The following RAD52 variants were observed in gnomAD, a reference collection of about 807,000 sequenced individuals.
RAD52 encodes RAD52 DNA repair protein, also known as DNA repair protein RAD52 homolog.
A neutral mutation model predicts 55.5 loss-of-function variants in RAD52; 47 were observed. The ratio of observed to expected loss-of-function variants is 0.85; its 90% CI spans 0.67 to 1.08. RAD52 has a LOEUF of 1.08. Among genes scored for constraint, RAD52 ranks in the 50% least tolerant of loss-of-function variants. RAD52 has a pLI of 0.00. For missense variants in RAD52, 468 were observed against 522.8 expected (o/e 0.90, Z 1.02); for synonymous variants, 184 against 198.9 (o/e 0.92, Z 0.63).
intron 1 of RAD52, among the ~76,000 whole-genome samples, chr12:943,930 G>T (rs928993183): frequency 1.3e-5 from 2 of 152,036 alleles, no homozygotes; most frequent in African/African-American, 2.4e-5. Context: ...GTCTGGGCGG[G>T]GCCCGCTGGG....
chr12:931,410 T>A, intron 2 of RAD52, 89 bp from the exon 3 acceptor site: 1 of 950,554 alleles, frequency 1.1e-6, no homozygotes, highest in Non-Finnish European at 1.5e-6. Flanking sequence ...TTTATACTCT[T>A]AAAAAGACCC....
chr12:911,805 T>C lies in RAD52; in HGVS notation c.*1586A>G, dbSNP rs61917172. Among the ~76,000 whole-genome samples the C allele has an allele frequency of 1.1e-3, 167 of 152,286 alleles. No homozygotes were observed. The highest frequency in any genetic ancestry group is 1.8e-3 in the Non-Finnish European group (123 of 68,030). ...TGGGAGGCCGAGGTGGGCAGATCAC[T>C]TGAGGTCAGTTTGAGACCAGCCTGG... On this transcript the variant is annotated 3_prime_UTR_variant, in exon 12 of 12. Coordinates refer to ENST00000358495, the MANE Select transcript of RAD52 (RefSeq NM_134424.4).
chr12:973,789 T>C (rs1036563795), intron 1 of RAD52, among the ~76,000 whole-genome samples: 2 of 148,434 alleles, frequency 1.3e-5, no homozygotes, highest in Non-Finnish European at 3.0e-5. Flanking sequence ...CTTCTTTTTT[T>C]TTTTTTTTTT....
At chr12:984,385 A>G (rs147394844) in intron 1 of RAD52, among the ~76,000 whole-genome samples, 4 of 152,050 alleles carry the variant, frequency 2.6e-5, no homozygotes, top group African/African-American at 9.6e-5. Context: ...GTTAGTAGAG[A>G]TGGGATTTCG....
rs1232738619 is a variant in RAD52 at position 988,385 on chromosome 12, T to C, written c.-19+1424A>G. On this transcript the variant is annotated intron_variant, in intron 1 of 11. Coordinates refer to the RAD52 transcript ENST00000430095. ...TCTGTTTATCTGCCCCCACAGTCCA[T>C]GTTGGAGACTTTTCTTAAATACCTA... is the stretch of plus-strand genomic sequence containing the variant. 2.6e-5 allele frequency among the ~76,000 whole-genome samples: 4 copies of C among 152,198 alleles called. No homozygotes were observed. In the South Asian group the frequency reaches 6.2e-4, roughly 24 times the overall value.
At chr12:927,533 A>G (rs1251681412) in intron 5 of RAD52, among the ~76,000 whole-genome samples, 1 of 152,008 alleles carries the variant, frequency 6.6e-6, no homozygotes, top group Non-Finnish European at 1.5e-5. Context: ...ACTCACCCCA[A>G]ATCCTATCAG....
At chr12:925,563 A>G (rs746359027) in intron 6 of RAD52, 38 bp from the exon 7 acceptor site, 31 of 1,480,666 alleles carry the variant, frequency 2.1e-5, no homozygotes, top group Non-Finnish European at 2.6e-5. Flanking sequence ...CAGGGTTAAG[A>G]ATTGTTACAC....
rs572479285 is a variant in RAD52 at position 924,334 on chromosome 12, C to T, written c.543+1116G>A. Among the ~76,000 whole-genome samples the T allele has an allele frequency of 9.9e-5, 15 of 152,104 alleles. No homozygotes were observed. In the South Asian group the frequency reaches 3.1e-3, roughly 32 times the overall value. On this transcript the variant is annotated intron_variant, in intron 7 of 11. Transcript: ENST00000358495. The stretch of plus-strand genomic sequence containing the variant: ...CTGAGGCAGGAGCATCGCTGGAACC[C>T]AGGAGGCAGAGGTTGCAGTGAGCCA...
intron 5 of RAD52, 71 bp downstream of exon 5, chr12:929,748 T>C (rs1314905666): frequency 6.9e-7 from 1 of 1,454,322 alleles, no homozygotes; most frequent in Non-Finnish European, 9.7e-7. Flanking sequence ...AGCTACCTAC[T>C]TCCCTACCTG....
intron 7 of RAD52, among the ~76,000 whole-genome samples, chr12:919,820 AGGTGGGCGG>A (rs1383526730): frequency 8.5e-6 from 1 of 117,332 alleles, no homozygotes; most frequent in Non-Finnish European, 1.8e-5. Flanking sequence ...TGGGAGGCCG[AGGTGGGCGG>A]ATCATCTGAG....
At chr12:957,174 G>C (rs1262639835) in intron 1 of RAD52, among the ~76,000 whole-genome samples, 5 of 152,052 alleles carry the variant, frequency 3.3e-5, no homozygotes, top group African/African-American at 4.8e-5. Flanking sequence ...TTACCATTTT[G>C]AGGCTGGGTG....
At chr12:945,033 A>G (rs1958134118) in intron 1 of RAD52, among the ~76,000 whole-genome samples, 1 of 152,154 alleles carries the variant, frequency 6.6e-6, no homozygotes, top group Non-Finnish European at 1.5e-5. Flanking sequence ...AATGTTCATG[A>G]AACTTTAAAA....
In RAD52 at chr12:914,063, C is replaced by T. The variant is rs909520222; in HGVS notation, c.1026G>A (p.Val342=). ...GGTCTGCTCTAGACGAGGGCTTGAC[C>T]ACACCATCCCCTGCATCGGGAGTCA... The part of the protein sequence containing the change: ...WAVTPDAGDG[V]VKPSSRADPA... The change falls in exon 11 of 12, where the codon GTG becomes GTA. Residue 342 remains valine (V), a synonymous_variant. Transcript: ENST00000358495. 12 of 1,614,024 alleles carry T rather than the reference C, an allele frequency of 7.4e-6. No individual in the cohort carries two copies. In the South Asian group the frequency reaches 8.8e-5, roughly 12 times the overall value.
upstream of RAD52, among the ~76,000 whole-genome samples, chr12:950,779 T>C (rs1958509281): frequency 6.6e-6 from 1 of 152,072 alleles, no homozygotes; most frequent in Non-Finnish European, 1.5e-5. Flanking sequence ...AAATATACAA[T>C]AAATTATTAT....
intron 10 of RAD52, 45 bp from the exon 11 acceptor site, chr12:914,166 A>T (rs1260694619): frequency 6.5e-7 from 1 of 1,543,734 alleles, no homozygotes; most frequent in Non-Finnish European, 8.9e-7. Flanking sequence ...ATAATGAAGT[A>T]TTCTCACAGA....
intron 1 of RAD52, among the ~76,000 whole-genome samples, chr12:981,781 A>AAAATAAAATAAAATC (rs1271162055): frequency 6.6e-6 from 1 of 151,012 alleles, no homozygotes; most frequent in Non-Finnish European, 1.5e-5. Flanking sequence ...TAAATAAAAT[A>AAAATAAAATAAAATC]AAATAAAATA....
chr12:957,164 T>A (rs1958617539), intron 1 of RAD52, among the ~76,000 whole-genome samples: 1 of 152,068 alleles, frequency 6.6e-6, no homozygotes, highest in Admixed American at 6.6e-5. Flanking sequence ...TTATTAAGAA[T>A]TACCATTTTG....
Position 911,753 on chromosome 12 carries a change from T to C in RAD52, c.*1638A>G, listed in dbSNP as rs1166993287. On this transcript the variant is annotated 3_prime_UTR_variant, in exon 12 of 12. Coordinates refer to ENST00000358495, the MANE Select transcript of RAD52 (RefSeq NM_134424.4). ...TAAATTGGCTGGGCGCAATGGCTCA[T>C]GCCTATAATTCTAGTACTTTTTACT... 6.6e-6 allele frequency among the ~76,000 whole-genome samples: 1 copy of C among 152,220 alleles called. No individual in the cohort carries two copies. Among genetic ancestry groups the C allele is most frequent in the Admixed American group, 6.5e-5 (1 of 15,286 alleles).
chr12:950,227 C>T (rs1485774037), upstream of RAD52, among the ~76,000 whole-genome samples: 2 of 152,310 alleles, frequency 1.3e-5, no homozygotes, highest in Admixed American at 6.5e-5. Flanking sequence ...CGGTTAGCGA[C>T]GACCGCAGGG....
Sources: allele counts gnomAD v4.1 joint callset (sites outside exome capture counted in the v4.1 genomes callset), GRCh38; gene constraint gnomAD v4.1.1; transcripts MANE v1.5; gene names NCBI Gene and HGNC (gene_info 2026-07-23, HGNC 2026-07-21).